GPRIN3: variants seen among roughly 807,000 people sequenced by gnomAD.
GPRIN3 encodes GPRIN family member 3.
A neutral mutation model predicts 13.7 loss-of-function variants in GPRIN3; 12 were observed. The ratio of observed to expected loss-of-function variants is 0.87; its 90% CI spans 0.56 to 1.42. The LOEUF (loss-of-function observed/expected upper bound fraction) is 1.42. Among genes scored for constraint, GPRIN3 ranks in the 40% most tolerant of loss-of-function variants. The probability of loss-of-function intolerance (pLI) is 0.00; values close to 1 mark genes in which losing one functional copy is unlikely to be tolerated. For missense variants in GPRIN3, 1,009 were observed against 958.7 expected (o/e 1.05, Z -0.69); for synonymous variants, 377 against 372.7 (o/e 1.01, Z -0.13).
intron 1 of GPRIN3, among the ~76,000 whole-genome samples, chr4:89,253,952 C>A (rs1019250371): frequency 6.6e-6 from 1 of 152,128 alleles, no homozygotes; most frequent in Non-Finnish European, 1.5e-5. Flanking sequence ...GTGGGTCAGG[C>A]AAATCGAACA....
chr4:89,246,289 A>T lies in GPRIN3; in HGVS notation c.*1491T>A, dbSNP rs1723096467. The T allele has an allele frequency of 6.6e-6, 1 of 152,142 alleles. No homozygotes were observed. The highest frequency in any genetic ancestry group is 2.4e-5 in the African/African-American group (1 of 41,410). The allele number at this position is 152,142 out of a possible 1,614,324, so 9.4% of individuals were successfully genotyped here. A position where few individuals can be genotyped will look rare whatever the true frequency, so the allele number is the denominator to read the frequency against. On this transcript the variant is annotated 3_prime_UTR_variant, in exon 2 of 2. Coordinates refer to ENST00000609438, the MANE Select transcript of GPRIN3 (RefSeq NM_198281.3). ...GACAACCGGTGCCCCTCCAGCATCTAAGTCTGGTTTTCTAAACGCAAAATG... is the reference window on the plus strand; with the variant it reads ...GACAACCGGTGCCCCTCCAGCATCTTAGTCTGGTTTTCTAAACGCAAAATG...
chr4:89,282,831 G>A lies in GPRIN3; in HGVS notation c.-124+24784C>T, dbSNP rs112697323. Among the ~76,000 whole-genome samples the A allele has an allele frequency of 7.1e-3, 1,074 of 152,222 alleles. 12 individuals carry two copies. Among genetic ancestry groups the A allele is most frequent in the African/African-American group, 0.025 (1,039 of 41,528 alleles). On this transcript the variant is annotated intron_variant, in intron 1 of 1. Coordinates refer to ENST00000609438, the MANE Select transcript of GPRIN3 (RefSeq NM_198281.3). ...CCCACTTTGCTGTCATGGGAACTAT[G>A]AATCACAGTCTCAGAGTCTACATCG...
intron 1 of GPRIN3, among the ~76,000 whole-genome samples, chr4:89,261,940 C>T (rs372490566): frequency 2.6e-5 from 4 of 151,470 alleles, no homozygotes; most frequent in Admixed American, 6.6e-5. Flanking sequence ...GGTGAAACCC[C>T]GTCTCTACTA....
At chr4:89,271,711 T>A (rs765372092) in intron 1 of GPRIN3, among the ~76,000 whole-genome samples, 2 of 151,952 alleles carry the variant, frequency 1.3e-5, no homozygotes, top group Non-Finnish European at 2.9e-5. Context: ...GTAAAGGAGA[T>A]GGACAAATGG....
chr4:89,263,589 T>A (rs141584493), intron 1 of GPRIN3, among the ~76,000 whole-genome samples: 1,719 of 152,296 alleles, frequency 0.011, 40 homozygotes, highest in African/African-American at 0.04. Context: ...TAAAACCCTG[T>A]ATTACTAACC....
intron 1 of GPRIN3, among the ~76,000 whole-genome samples, chr4:89,263,387 C>T (rs2149265870): frequency 6.6e-6 from 1 of 152,308 alleles, no homozygotes; most frequent in East Asian, 1.9e-4. Context: ...GAATCTCCAT[C>T]CAGCCTGTGC....
intron 1 of GPRIN3, among the ~76,000 whole-genome samples, chr4:89,268,713 T>C (rs558170672): frequency 6.6e-6 from 1 of 152,256 alleles, no homozygotes; most frequent in South Asian, 2.1e-4. Context: ...CCACAATCAA[T>C]TGTGTGGTGG....
chr4:89,292,937 T>C (rs1724621002), intron 1 of GPRIN3, among the ~76,000 whole-genome samples: 1 of 152,180 alleles, frequency 6.6e-6, no homozygotes, highest in Non-Finnish European at 1.5e-5. Flanking sequence ...TGGGAGTTAA[T>C]CTCATTAACT....
intron 1 of GPRIN3, among the ~76,000 whole-genome samples, chr4:89,270,602 A>ATAT (rs1561205844): frequency 4.1e-3 from 228 of 55,514 alleles, no homozygotes; most frequent in African/African-American, 0.017. Flanking sequence ...TATATATATA[A>ATAT]AATATAGATA....
chr4:89,249,907 A>G lies in GPRIN3; in HGVS notation c.204T>C (p.Val68=), dbSNP rs1314802996. 2.5e-6 allele frequency: 4 copies of G among 1,614,076 alleles called. No individual in the cohort carries two copies. In the African/African-American group the frequency reaches 4.0e-5, roughly 16 times the overall value. The stretch of plus-strand genomic sequence containing the variant: ...CTGGTTGGGTGGTCTCATGCTCACA[A>G]ACCTGCATCAGGGCTTCGGCAGCTG... ...PRAAAEALMQ[V]CEHETTQPDM... The change falls in exon 2 of 2, where the codon GTT becomes GTC. Residue 68 remains valine (V), a synonymous_variant. Coordinates refer to ENST00000609438, the MANE Select transcript of GPRIN3 (RefSeq NM_198281.3).
At chr4:89,293,928 G>A (rs1724659678) in intron 1 of GPRIN3, among the ~76,000 whole-genome samples, 1 of 152,134 alleles carries the variant, frequency 6.6e-6, no homozygotes, top group African/African-American at 2.4e-5. Flanking sequence ...ATTCTTTAGT[G>A]CATGCCTTTC....
chr4:89,265,037 A>G (rs139991037), intron 1 of GPRIN3, among the ~76,000 whole-genome samples: 229 of 152,296 alleles, frequency 1.5e-3, no homozygotes, highest in African/African-American at 5.4e-3. Context: ...TTTGGCCTGC[A>G]TTTGTAGTAT....
At chr4:89,260,880 TATTTA>T (rs1211207747) in intron 1 of GPRIN3, among the ~76,000 whole-genome samples, 1 of 152,248 alleles carries the variant, frequency 6.6e-6, no homozygotes, top group East Asian at 1.9e-4. Context: ...TCCATTCATT[TATTTA>T]ATAAGCTAAC....
chr4:89,257,224 A>G lies in GPRIN3; in HGVS notation c.-123-6991T>C, dbSNP rs1723490633. On this transcript the variant is annotated intron_variant, in intron 1 of 1. Coordinates refer to ENST00000609438, the MANE Select transcript of GPRIN3 (RefSeq NM_198281.3). The stretch of plus-strand genomic sequence containing the variant: ...TAATGGTTACTTTAATAAAAGGCTC[A>G]TGAGAAACAAGCTGCATCCCTTCTC... Among the ~76,000 whole-genome samples, 4 of 152,336 alleles carry G rather than the reference A, an allele frequency of 2.6e-5. 1 individual carries two copies. The South Asian group carries it at 8.3e-4, about 32-fold the overall frequency.
At chr4:89,278,543 C>A (rs534197898) in intron 1 of GPRIN3, among the ~76,000 whole-genome samples, 1 of 152,108 alleles carries the variant, frequency 6.6e-6, no homozygotes, top group South Asian at 2.1e-4. Context: ...ATTCCATTGG[C>A]GGCACACAGA....
intron 1 of GPRIN3, among the ~76,000 whole-genome samples, chr4:89,263,755 T>A (rs1723707038): frequency 6.6e-6 from 1 of 152,254 alleles, no homozygotes; most frequent in East Asian, 1.9e-4. Context: ...AGGATTATGG[T>A]CTTCATTTTA....
Position 89,250,013 on chromosome 4 carries a change from G to C in GPRIN3, c.98C>G (p.Pro33Arg). ...ACACAGGAGAGCTGGTCGATGCCGAGGTGAGGCAGCCTGTGGCTCTCCTAG... is the reference window on the plus strand; with the variant it reads ...ACACAGGAGAGCTGGTCGATGCCGACGTGAGGCAGCCTGTGGCTCTCCTAG... ...DDLGEPQAAS[P>R]RHRPALLCKN... Residue 33 changes from proline to arginine, a missense_variant, in exon 2 of 2, where the codon CCT becomes CGT. Physicochemically the swap from Pro to Arg is moderately radical, Grantham distance 103. Transcript: ENST00000609438. The C allele has an allele frequency of 3.1e-6, 5 of 1,614,222 alleles. No homozygotes were observed. The highest frequency in any genetic ancestry group is 4.2e-6 in the Non-Finnish European group (5 of 1,180,018).
chr4:89,248,231 G>C lies in GPRIN3; in HGVS notation c.1880C>G (p.Ser627Cys), dbSNP rs762579575. 3 of 1,614,068 alleles carry C rather than the reference G, an allele frequency of 1.9e-6. No homozygotes were observed. In the African/African-American group the frequency reaches 4.0e-5, roughly 22 times the overall value. ...PGSGKKTPSR[S>C]VKASPRRPSR... ...GGGCCTGCGTGGGCTGGCTTTGACGGAGCGAGATGGGGTCTTCTTGCCAGA... is the reference window on the plus strand; with the variant it reads ...GGGCCTGCGTGGGCTGGCTTTGACGCAGCGAGATGGGGTCTTCTTGCCAGA... Residue 627 changes from serine to cysteine, a missense_variant, in exon 2 of 2, where the codon TCC becomes TGC. Coordinates refer to ENST00000609438, the MANE Select transcript of GPRIN3 (RefSeq NM_198281.3).
intron 1 of GPRIN3, among the ~76,000 whole-genome samples, chr4:89,253,384 T>C (rs1440960279): frequency 4.6e-5 from 7 of 152,216 alleles, no homozygotes; most frequent in Non-Finnish European, 1.0e-4. Context: ...ATCTTACTTA[T>C]TAAACTTTAT....
Sources: gnomAD v4.1 joint callset for allele counts (sites outside exome capture counted in the v4.1 genomes callset) on GRCh38, gnomAD v4.1.1 for gene constraint, MANE v1.5 for transcripts, NCBI Gene and HGNC (gene_info 2026-07-23, HGNC 2026-07-21) for gene names.